The following MRAP2 variants were observed in gnomAD, a reference collection of about 807,000 sequenced individuals.
MRAP2 encodes the protein melanocortin-2 receptor accessory protein 2.
Under a neutral mutation model 17.4 loss-of-function variants are expected in MRAP2, and 20 were observed. The observed-to-expected ratio is 1.15, with a 90% CI of 0.81 to 1.67. The LOEUF (loss-of-function observed/expected upper bound fraction) is 1.67. Ranked by LOEUF, MRAP2 falls within the 40% of genes most tolerant of loss-of-function variation. The pLI is 0.00. For missense variants in MRAP2, 238 were observed against 240.0 expected (o/e 0.99, Z 0.05); for synonymous variants, 96 against 88.4 (o/e 1.09, Z -0.48).
chr6:84,073,288 T>G (rs1283172993), intron 3 of MRAP2, among the ~76,000 whole-genome samples: 3 of 152,186 alleles, frequency 2.0e-5, no homozygotes, highest in African/African-American at 7.2e-5. Flanking sequence ...TGTATTTCAC[T>G]CGGCTCTCTA....
intron 2 of MRAP2, among the ~76,000 whole-genome samples, chr6:84,060,093 T>G (rs1444503758): frequency 6.6e-6 from 1 of 152,162 alleles, no homozygotes; most frequent in Non-Finnish European, 1.5e-5. Context: ...TTGAGGAAGC[T>G]AAATTTTGTT....
In MRAP2 at chr6:84,068,187, A is replaced by G. The variant is rs376390266; in HGVS notation, c.227+5195A>G. On this transcript the variant is annotated intron_variant, in intron 3 of 3. Transcript: ENST00000257776. ...TATGTTTTTGTTTGCTTTTTTGAAGATCAGTTGACTGTAAGTGGGTTTATT... is the reference window on the plus strand; with the variant it reads ...TATGTTTTTGTTTGCTTTTTTGAAGGTCAGTTGACTGTAAGTGGGTTTATT... 4.6e-5 allele frequency among the ~76,000 whole-genome samples: 7 copies of G among 152,234 alleles called. No homozygotes were observed. In the East Asian group the frequency reaches 1.4e-3, roughly 29 times the overall value.
chr6:84,053,095 G>A (rs1265202990), intron 1 of MRAP2, among the ~76,000 whole-genome samples: 3 of 152,142 alleles, frequency 2.0e-5, no homozygotes, highest in Non-Finnish European at 4.4e-5. Context: ...ACAAATGGGG[G>A]TCCCCACCGT....
chr6:84,070,734 AT>A (rs1298423649), intron 3 of MRAP2, among the ~76,000 whole-genome samples: 1 of 152,102 alleles, frequency 6.6e-6, no homozygotes, highest in Non-Finnish European at 1.5e-5. Flanking sequence ...TGTTTTATAA[AT>A]TTGGGAGCTC....
At chr6:84,076,366 G>C (rs1306764404) in intron 3 of MRAP2, among the ~76,000 whole-genome samples, 1 of 152,034 alleles carries the variant, frequency 6.6e-6, no homozygotes, top group Non-Finnish European at 1.5e-5. Context: ...TAGGATTACA[G>C]GTGCCCACAA....
the MRAP2 span, among the ~76,000 whole-genome samples, chr6:84,117,377 C>G: frequency 6.6e-6 from 1 of 152,054 alleles, no homozygotes; most frequent in Non-Finnish European, 1.5e-5. Flanking sequence ...AAGATGATGC[C>G]AGCTTCATAG....
At chr6:84,082,316 C>A (rs1256883742) in intron 3 of MRAP2, among the ~76,000 whole-genome samples, 1 of 152,076 alleles carries the variant, frequency 6.6e-6, no homozygotes, top group African/African-American at 2.4e-5. Flanking sequence ...ATAACTTTTT[C>A]TCTCTCGTAT....
At chr6:84,135,420 G>A in the MRAP2 span, among the ~76,000 whole-genome samples, 1 of 151,834 alleles carries the variant, frequency 6.6e-6, no homozygotes, top group East Asian at 1.9e-4. Flanking sequence ...TCAGGTGCTG[G>A]AGTTCAAACA....
intron 1 of MRAP2, among the ~76,000 whole-genome samples, chr6:84,042,396 A>T (rs1053622167): frequency 1.3e-5 from 2 of 152,220 alleles, no homozygotes; most frequent in East Asian, 3.8e-4. Context: ...CCTTATTTCT[A>T]GGATTCTGAA....
intron 1 of MRAP2, among the ~76,000 whole-genome samples, chr6:84,046,670 A>T (rs1293698159): frequency 6.6e-6 from 1 of 150,688 alleles, no homozygotes; most frequent in Non-Finnish European, 1.5e-5. Flanking sequence ...TGTCTCAGCT[A>T]CTCAGGAGGC....
At chr6:84,126,436 T>C in the MRAP2 span, 7 of 1,599,466 alleles carry the variant, frequency 4.4e-6, no homozygotes, top group African/African-American at 8.0e-5. Context: ...AATTTTCTTT[T>C]CTAAGCCCAC....
At chr6:84,144,997 G>A in the MRAP2 span, among the ~76,000 whole-genome samples, 1 of 152,028 alleles carries the variant, frequency 6.6e-6, no homozygotes, top group Non-Finnish European at 1.5e-5. Context: ...GGAAACATCA[G>A]TTATACTATC....
Position 84,089,270 on chromosome 6 carries a change from C to T in MRAP2, c.407C>T (p.Thr136Ile), listed in dbSNP as rs766909465. 24 of 1,614,092 alleles carry T rather than the reference C, an allele frequency of 1.5e-5. No homozygotes were observed. Among genetic ancestry groups the T allele is most frequent in the Non-Finnish European group, 2.0e-5 (24 of 1,180,048 alleles). Residue 136 changes from threonine to isoleucine, a missense_variant, in exon 4 of 4, where the codon ACA becomes ATA. Coordinates refer to ENST00000257776, the MANE Select transcript of MRAP2 (RefSeq NM_138409.4). ...AGAGCCAAAGCTTGTCACCAGACCA[C>T]AGCCCTTGACAGTGACGTCCAACTC... ...LDRAKACHQT[T>I]ALDSDVQLQE... is the part of the protein sequence containing the mutation.
At chr6:84,068,891 A>C (rs2099495484) in intron 3 of MRAP2, among the ~76,000 whole-genome samples, 1 of 142,762 alleles carries the variant, frequency 7.0e-6, no homozygotes, top group South Asian at 2.2e-4. Context: ...CTGGTCTCGA[A>C]CTCCTGAGCT....
the MRAP2 span, among the ~76,000 whole-genome samples, chr6:84,129,923 G>A: frequency 1.3e-5 from 2 of 152,074 alleles, no homozygotes; most frequent in Non-Finnish European, 2.9e-5. Flanking sequence ...GGTGAGAGAG[G>A]GCATCCTTGT....
chr6:84,034,731 G>A (rs1367788711), intron 1 of MRAP2, among the ~76,000 whole-genome samples: 1 of 152,042 alleles, frequency 6.6e-6, no homozygotes, highest in East Asian at 1.9e-4. Flanking sequence ...CCAGGGAGAC[G>A]AGAGAAGGGA....
chr6:84,084,932 C>CTTTAT (rs757644105), intron 3 of MRAP2, among the ~76,000 whole-genome samples: 4,752 of 99,086 alleles, frequency 0.048, 166 homozygotes, highest in East Asian at 0.12. Context: ...TTTTATTTTA[C>CTTTAT]TTTATTTTAT....
Position 84,062,917 on chromosome 6 carries a change from T to A in MRAP2, c.152T>A (p.Val51Asp), listed in dbSNP as rs374186031. The change falls in exon 3 of 4, where the codon GTT (valine) becomes GAT (aspartate). Residue 51 changes from valine (V) to aspartate (D), a missense_variant. Val to Asp is a radical substitution (Grantham distance 152, BLOSUM62 -3). Coordinates refer to ENST00000257776, the MANE Select transcript of MRAP2 (RefSeq NM_138409.4). ...GATTCCATTGTGATTGGATTTTGGG[T>A]TGGTCTTGCAGTCTTCGTGATTTTT... ...HKYSIVIGFW[V>D]GLAVFVIFMF... 2 of 1,614,096 alleles carry A rather than the reference T, an allele frequency of 1.2e-6. No individual in the cohort carries two copies. Among genetic ancestry groups the A allele is most frequent in the African/African-American group, 1.3e-5 (1 of 74,926 alleles).
chr6:84,074,315 T>C (rs1398374546), intron 3 of MRAP2, among the ~76,000 whole-genome samples: 1 of 152,232 alleles, frequency 6.6e-6, no homozygotes, highest in Non-Finnish European at 1.5e-5. Flanking sequence ...CTTTGAATTC[T>C]GATTGCTTTA....
Sources: allele counts gnomAD v4.1 joint callset (sites outside exome capture counted in the v4.1 genomes callset), GRCh38; gene constraint gnomAD v4.1.1; transcripts MANE v1.5; gene names NCBI Gene and HGNC (gene_info 2026-07-23, HGNC 2026-07-21).